FSTL4: variants seen among roughly 807,000 people sequenced by gnomAD.
FSTL4 encodes the protein follistatin like 4, also known as follistatin-related protein 4.
FSTL4 carries 28 observed loss-of-function variants against 78.2 expected under a neutral mutation model. The observed-to-expected ratio is 0.36, with a 90% confidence interval of 0.27 to 0.49. FSTL4 has a LOEUF of 0.49. Ranked by LOEUF, FSTL4 falls within the 20% of genes least tolerant of loss-of-function variation. FSTL4 has a pLI of 0.98. For missense variants in FSTL4, 922 were observed against 1,084.9 expected (o/e 0.85, Z 2.11); for synonymous variants, 422 against 440.5 (o/e 0.96, Z 0.53).
At chr5:133,487,073 G>A (rs1037123848) in intron 3 of FSTL4, among the ~76,000 whole-genome samples, 5 of 152,178 alleles carry the variant, frequency 3.3e-5, no homozygotes, top group African/African-American at 7.2e-5. Context: ...GTATCTGGGG[G>A]TAGTGGGTCT....
the FSTL4 span, among the ~76,000 whole-genome samples, chr5:133,626,333 T>C: frequency 6.4e-5 from 5 of 78,572 alleles, no homozygotes; most frequent in Non-Finnish European, 8.6e-5. Flanking sequence ...TCCATATATA[T>C]ATATTCCATA....
At chr5:133,674,099 C>T in the FSTL4 span, among the ~76,000 whole-genome samples, 2 of 152,104 alleles carry the variant, frequency 1.3e-5, no homozygotes, top group Non-Finnish European at 2.9e-5. Flanking sequence ...GGGGCCTGCA[C>T]GGGGGCTCCA....
chr5:133,523,228 G>T (rs1156315650), intron 3 of FSTL4, among the ~76,000 whole-genome samples: 3 of 152,158 alleles, frequency 2.0e-5, no homozygotes, highest in Non-Finnish European at 2.9e-5. Flanking sequence ...CAGGAGAGAG[G>T]CCTCACCAAT....
At chr5:133,284,706 C>T (rs187615494) in intron 6 of FSTL4, among the ~76,000 whole-genome samples, 4 of 152,182 alleles carry the variant, frequency 2.6e-5, no homozygotes, top group Non-Finnish European at 5.9e-5. Flanking sequence ...TTGGATGAAC[C>T]CCCACAGGCC....
At chr5:133,626,651 T>A in the FSTL4 span, among the ~76,000 whole-genome samples, 1 of 152,016 alleles carries the variant, frequency 6.6e-6, no homozygotes, top group African/African-American at 2.4e-5. Flanking sequence ...ACCCATGGAT[T>A]ATTTAGAACT....
At chr5:133,537,988 C>G (rs1057353038) in intron 3 of FSTL4, among the ~76,000 whole-genome samples, 5 of 151,984 alleles carry the variant, frequency 3.3e-5, no homozygotes, top group Admixed American at 6.6e-5. Flanking sequence ...AATCCTAAAG[C>G]GTATATTTCC....
intron 2 of FSTL4, among the ~76,000 whole-genome samples, chr5:133,596,412 G>A (rs1485388490): frequency 6.6e-6 from 1 of 152,196 alleles, no homozygotes; most frequent in Non-Finnish European, 1.5e-5. Context: ...AAGGGCTTTT[G>A]CAAGAAATAG....
the FSTL4 span, among the ~76,000 whole-genome samples, chr5:133,711,267 T>C: frequency 5.3e-4 from 80 of 152,318 alleles, 2 homozygotes; most frequent in South Asian, 0.016. Flanking sequence ...TTTGGGCACA[T>C]TGGGCAGTTT....
At chr5:133,495,984 G>A (rs1306270044) in intron 3 of FSTL4, among the ~76,000 whole-genome samples, 1 of 152,134 alleles carries the variant, frequency 6.6e-6, no homozygotes, top group East Asian at 1.9e-4. Context: ...GGGGTCTTTG[G>A]GGCTCCTGCT....
chr5:133,774,667 C>A, the FSTL4 span, among the ~76,000 whole-genome samples: 1 of 152,214 alleles, frequency 6.6e-6, no homozygotes, highest in African/African-American at 2.4e-5. Flanking sequence ...TTTGCTTTCA[C>A]ATGGCCGGGA....
At chr5:133,527,255 T>C (rs1759150388) in intron 3 of FSTL4, among the ~76,000 whole-genome samples, 1 of 152,244 alleles carries the variant, frequency 6.6e-6, no homozygotes, top group Non-Finnish European at 1.5e-5. Context: ...TATTTTAGTA[T>C]AATGCTTGGC....
intron 3 of FSTL4, among the ~76,000 whole-genome samples, chr5:133,452,283 T>C (rs1357500888): frequency 6.6e-6 from 1 of 152,216 alleles, no homozygotes; most frequent in Non-Finnish European, 1.5e-5. Context: ...TAGACTATTC[T>C]TGTTGTATCA....
At chr5:133,253,426 C>A (rs1481957235) in intron 6 of FSTL4, among the ~76,000 whole-genome samples, 3 of 152,192 alleles carry the variant, frequency 2.0e-5, no homozygotes, top group Non-Finnish European at 4.4e-5. Context: ...AGGGCTTGGG[C>A]CCCCCTCGCT....
rs200488332 is a variant in FSTL4, at chr5:133,217,274, C to T, written c.1563G>A (p.Leu521=). 15 of 1,614,116 alleles carry T rather than the reference C, an allele frequency of 9.3e-6. No individual in the cohort carries two copies. In the East Asian group the frequency reaches 2.7e-4, roughly 29 times the overall value. ...NRYIYVAQPA[L]SRVLVVDIQA... Reference sequence around the variant, plus strand: ...GGATGTCGACCACAAGGACTCTGCTCAGTGCTGGCTGGGCCACATAGATGT... The same window carrying T: ...GGATGTCGACCACAAGGACTCTGCTTAGTGCTGGCTGGGCCACATAGATGT... The change falls in exon 13 of 16, where the codon CTG becomes CTA. Residue 521 remains leucine (L), a synonymous_variant. Transcript: ENST00000265342.
the FSTL4 span, among the ~76,000 whole-genome samples, chr5:133,714,171 T>TCAGCC: frequency 2.0e-5 from 3 of 152,056 alleles, no homozygotes; most frequent in East Asian, 5.8e-4. Flanking sequence ...TGCCTCCAGC[T>TCAGCC]CAGCCCAGCC....
At chr5:133,532,714 G>A (rs1759281207) in intron 3 of FSTL4, among the ~76,000 whole-genome samples, 1 of 152,180 alleles carries the variant, frequency 6.6e-6, no homozygotes, top group South Asian at 2.1e-4. Flanking sequence ...GATTTGCTCT[G>A]ATAACCAAGG....
chr5:133,259,002 G>T (rs1342103220), intron 6 of FSTL4, among the ~76,000 whole-genome samples: 1 of 152,140 alleles, frequency 6.6e-6, no homozygotes, highest in Non-Finnish European at 1.5e-5. Context: ...TGTATCTGTT[G>T]CTACAGCGTC....
the FSTL4 span, among the ~76,000 whole-genome samples, chr5:133,781,096 C>A: frequency 3.3e-5 from 5 of 152,312 alleles, no homozygotes; most frequent in African/African-American, 1.2e-4. Flanking sequence ...TCACTGCATG[C>A]TCTTGGCCCT....
the FSTL4 span, among the ~76,000 whole-genome samples, chr5:133,833,663 A>C: frequency 2.6e-5 from 4 of 152,214 alleles, no homozygotes; most frequent in Admixed American, 2.6e-4. Context: ...TTCCAGACAG[A>C]ATGAACCATT....
Sources: gnomAD v4.1 joint callset for allele counts (sites outside exome capture counted in the v4.1 genomes callset) on GRCh38, gnomAD v4.1.1 for gene constraint, MANE v1.5 for transcripts, NCBI Gene and HGNC (gene_info 2026-07-23, HGNC 2026-07-21) for gene names.